The following MSI2 variants were observed in gnomAD, a reference collection of about 807,000 sequenced individuals.
MSI2 encodes the protein RNA-binding protein Musashi homolog 2.
A neutral mutation model predicts 45.6 loss-of-function variants in MSI2; 17 were observed. The ratio of observed to expected loss-of-function variants is 0.37; its 90% CI spans 0.26 to 0.56. The LOEUF is 0.56. MSI2 is among the 20% of genes least tolerant of loss of function. The pLI is 0.77. For missense variants in MSI2, 293 were observed against 444.2 expected (o/e 0.66, Z 3.06); for synonymous variants, 156 against 158.2 (o/e 0.99, Z 0.11).
intron 6 of MSI2, among the ~76,000 whole-genome samples, chr17:57,494,546 C>T (rs1341816562): frequency 2.0e-5 from 3 of 152,202 alleles, no homozygotes; most frequent in Non-Finnish European, 2.9e-5. Context: ...AAAATTGCAT[C>T]TTTAGCCTTA....
At chr17:57,475,231 G>T (rs2085515292) in intron 6 of MSI2, among the ~76,000 whole-genome samples, 1 of 152,184 alleles carries the variant, frequency 6.6e-6, no homozygotes, top group Non-Finnish European at 1.5e-5. Context: ...AAACGCCTAG[G>T]GAGGGCTCCC....
rs1193767462 is a variant in MSI2, at chr17:57,683,570, A to G, written c.*4053A>G. 4.3e-6 allele frequency: 1 copy of G among 231,308 alleles called. No individual in the cohort carries two copies. The highest frequency in any genetic ancestry group is 5.6e-5 in the Admixed American group (1 of 17,722). 14.3% of individuals were successfully genotyped at this position (231,308 alleles called of 1,614,324 possible). A position where few individuals can be genotyped will look rare whatever the true frequency, so the allele number is the denominator to read the frequency against. ...AGCCATGCTTTCTGTATTATATTGC[A>G]TATGAAATTGTTTACAAAAGAAACA... On this transcript the variant is annotated 3_prime_UTR_variant, in exon 14 of 14. Coordinates refer to ENST00000284073, the MANE Select transcript of MSI2 (RefSeq NM_138962.4). The surrounding 1 kb of genome is among the most constrained non-coding windows in gnomAD (Gnocchi z 5.2).
chr17:57,519,326 G>T (rs1046325723), intron 6 of MSI2, among the ~76,000 whole-genome samples: 1 of 152,164 alleles, frequency 6.6e-6, no homozygotes, highest in African/African-American at 2.4e-5. Flanking sequence ...TGTCTGTTAT[G>T]ATGAGCATTT....
chr17:57,485,981 C>T (rs2085746005), intron 6 of MSI2, among the ~76,000 whole-genome samples: 1 of 152,234 alleles, frequency 6.6e-6, no homozygotes, highest in Non-Finnish European at 1.5e-5. Context: ...TCTGCCTCTC[C>T]AGGGAAAGCC....
intron 6 of MSI2, chr17:57,523,648 A>G (rs980003810): frequency 1.3e-5 from 2 of 152,202 alleles, no homozygotes; most frequent in Admixed American, 1.3e-4. Flanking sequence ...TCTGTCTCCA[A>G]CCTTGCTGAT....
rs183831651 is a variant in MSI2 at position 57,586,586 on chromosome 17, G to C, written c.455-10282G>C. 7.7e-3 allele frequency among the ~76,000 whole-genome samples: 1,167 copies of C among 152,172 alleles called. 8 individuals are homozygous for C. Among genetic ancestry groups the C allele is most frequent in the Non-Finnish European group, 0.011 (743 of 68,012 alleles). The stretch of plus-strand genomic sequence containing the variant: ...TTGCTTTCGCGTAAGGATTTGATTC[G>C]GGCAAACTGCCCATACCTCTGGGAG... On this transcript the variant is annotated intron_variant, in intron 7 of 13. Coordinates refer to ENST00000284073, the MANE Select transcript of MSI2 (RefSeq NM_138962.4).
At chr17:57,345,330 T>G (rs995383404) in intron 5 of MSI2, among the ~76,000 whole-genome samples, 2 of 152,188 alleles carry the variant, frequency 1.3e-5, no homozygotes, top group African/African-American at 4.8e-5. Flanking sequence ...TTTAAAAGTT[T>G]ACTGAGAGAA....
chr17:57,375,507 C>G (rs901251847), intron 5 of MSI2, among the ~76,000 whole-genome samples: 2 of 152,244 alleles, frequency 1.3e-5, no homozygotes, highest in Non-Finnish European at 1.5e-5. Flanking sequence ...GGATTGTATG[C>G]CAGGCAGCAT....
At chr17:57,573,755 A>G (rs968450574) in intron 7 of MSI2, among the ~76,000 whole-genome samples, 1 of 152,202 alleles carries the variant, frequency 6.6e-6, no homozygotes, top group African/African-American at 2.4e-5. Context: ...GGCTTTAGGG[A>G]CAGACAGACC....
At chr17:57,471,963 G>A (rs990322770) in intron 6 of MSI2, among the ~76,000 whole-genome samples, 1 of 135,524 alleles carries the variant, frequency 7.4e-6, no homozygotes, top group Non-Finnish European at 1.6e-5. Flanking sequence ...CTTCCTGCCT[G>A]AGGAGCTTGT....
At chr17:57,639,179 A>G (rs1910059572) in intron 10 of MSI2, among the ~76,000 whole-genome samples, 1 of 152,184 alleles carries the variant, frequency 6.6e-6, no homozygotes, top group African/African-American at 2.4e-5. Flanking sequence ...GAGGATGTCA[A>G]CATATAAATT....
Position 57,497,208 on chromosome 17 carries a change from G to A in MSI2, c.406-32468G>A, listed in dbSNP as rs150859589. Among the ~76,000 whole-genome samples, 211 of 152,272 alleles carry A rather than the reference G, an allele frequency of 1.4e-3. 3 individuals carry two copies. The highest frequency in any genetic ancestry group is 4.8e-3 in the African/African-American group (199 of 41,550). On this transcript the variant is annotated intron_variant, in intron 6 of 13. Coordinates refer to ENST00000284073, the MANE Select transcript of MSI2 (RefSeq NM_138962.4). ...GCCAGGCTAGTCTCGAACCCCTGAC[G>A]TCTGGTGATCCACCTGCCTTGGCCT...
intron 5 of MSI2, among the ~76,000 whole-genome samples, chr17:57,379,184 T>C (rs2083554476): frequency 6.6e-6 from 1 of 151,196 alleles, no homozygotes; most frequent in African/African-American, 2.4e-5. Context: ...CGTGTGGCCC[T>C]GCTCTCAGCT....
chr17:57,641,081 T>C (rs1016575779), intron 10 of MSI2, among the ~76,000 whole-genome samples: 5 of 152,214 alleles, frequency 3.3e-5, no homozygotes, highest in East Asian at 1.9e-4. Context: ...CCCACCATGC[T>C]GGGCTCTCCC....
intron 8 of MSI2, among the ~76,000 whole-genome samples, chr17:57,599,904 G>A (rs1338814739): frequency 6.6e-6 from 1 of 152,182 alleles, no homozygotes; most frequent in Non-Finnish European, 1.5e-5. Context: ...CACAGTGTCT[G>A]CACAGGGTGC....
chr17:57,375,470 C>CTT, intron 5 of MSI2, among the ~76,000 whole-genome samples: 1 of 152,150 alleles, frequency 6.6e-6, no homozygotes, highest in East Asian at 1.9e-4. Context: ...AATTTCTGAG[C>CTT]GAGTAGAAAT....
At chr17:57,649,033 C>A (rs991071076) in intron 10 of MSI2, among the ~76,000 whole-genome samples, 6 of 152,202 alleles carry the variant, frequency 3.9e-5, no homozygotes, top group African/African-American at 1.2e-4. Flanking sequence ...GTCCTGGAGA[C>A]AGCCTGTGCC....
At position 57,552,307 on chromosome 17, in the gene MSI2, C is replaced by T. The variant is rs2087325605; in HGVS notation, c.454+22583C>T. On this transcript the variant is annotated intron_variant, in intron 7 of 13. Coordinates refer to ENST00000284073, the MANE Select transcript of MSI2 (RefSeq NM_138962.4). The surrounding 1 kb of genome is among the most constrained non-coding windows in gnomAD (Gnocchi z 4.3). ...TGGTCTGTAATTCCTGACTCCCTTCCTGAGAGAGTCCTGGGAACTGAGCTT... is the reference window on the plus strand; with the variant it reads ...TGGTCTGTAATTCCTGACTCCCTTCTTGAGAGAGTCCTGGGAACTGAGCTT... Among the ~76,000 whole-genome samples the T allele has an allele frequency of 6.6e-6, 1 of 152,202 alleles. No individual in the cohort carries two copies. The highest frequency in any genetic ancestry group is 2.1e-4 in the South Asian group (1 of 4,832).
intron 7 of MSI2, among the ~76,000 whole-genome samples, chr17:57,569,874 G>C (rs544035954): frequency 2.0e-4 from 31 of 152,280 alleles, no homozygotes. Flanking sequence ...TGCAGTGCAG[G>C]ATCCTAAGAT....
Sources: gnomAD v4.1 joint callset for allele counts (sites outside exome capture counted in the v4.1 genomes callset) on GRCh38, gnomAD v4.1.1 for gene constraint, Gnocchi (gnomAD v3.1) non-coding constraint, MANE v1.5 for transcripts, NCBI Gene and HGNC (gene_info 2026-07-23, HGNC 2026-07-21) for gene names.